WDR70: variants seen among roughly 807,000 people sequenced by gnomAD.
WDR70 encodes WD repeat domain 70, also known as WD repeat-containing protein 70.
A neutral mutation model predicts 88.6 loss-of-function variants in WDR70; 53 were observed. The ratio of observed to expected loss-of-function variants is 0.60; its 90% CI spans 0.48 to 0.75. The LOEUF is 0.75. Ranked by LOEUF, WDR70 falls within the 30% of genes least tolerant of loss-of-function variation. The pLI, the probability that WDR70 is intolerant of heterozygous loss-of-function variation, is 0.00. For missense variants in WDR70, 610 were observed against 823.2 expected, an observed-to-expected ratio of 0.74 and a Z score of 3.17; for synonymous variants, 280 against 270.0, an observed-to-expected ratio of 1.04 and a Z score of -0.36.
chr5:37,701,917 G>C (rs1747175983), intron 12 of WDR70, among the ~76,000 whole-genome samples: 1 of 151,508 alleles, frequency 6.6e-6, no homozygotes, highest in South Asian at 2.1e-4. Flanking sequence ...TCCTTCACTT[G>C]TTCAGACTGT....
At chr5:37,527,281 A>C (rs1222757270) in intron 9 of WDR70, among the ~76,000 whole-genome samples, 1 of 152,240 alleles carries the variant, frequency 6.6e-6, no homozygotes, top group Non-Finnish European at 1.5e-5. Context: ...GTACCAAAAC[A>C]GAGATATAGA....
chr5:37,702,421 A>G (rs1440039844), intron 12 of WDR70, among the ~76,000 whole-genome samples: 1 of 152,224 alleles, frequency 6.6e-6, no homozygotes, highest in Non-Finnish European at 1.5e-5. Context: ...ATAGCCATCA[A>G]TTAGGTTCCA....
In WDR70 at chr5:37,533,432, AAAC is replaced by A. The variant is rs140749969; in HGVS notation, c.917+16851_917+16853del. ...CATGGTGAATCCCTGTCTCTACTTA[AAAC>A]AACAACAAAACAACAAAACAATCAC... On this transcript the variant is annotated intron_variant, in intron 9 of 17. Transcript: ENST00000265107. Among the ~76,000 whole-genome samples the A allele has an allele frequency of 4.2e-3, 631 of 151,480 alleles. 21 individuals carry two copies. The East Asian group carries it at 0.088, about 21-fold the overall frequency.
intron 9 of WDR70, among the ~76,000 whole-genome samples, chr5:37,549,976 C>G (rs1465345139): frequency 1.3e-5 from 2 of 151,860 alleles, no homozygotes; most frequent in African/African-American, 4.8e-5. Flanking sequence ...ATTCTGGTGT[C>G]TCAACTTCCC....
rs1246165472 is a variant in WDR70, at chr5:37,653,882, A to G, written c.1093-43773A>G. Among the ~76,000 whole-genome samples, 15 of 152,124 alleles carry G rather than the reference A, an allele frequency of 9.9e-5. No individual in the cohort carries two copies. The East Asian group carries it at 1.7e-3, about 18-fold the overall frequency. ...TCTGTCTATTTTGTTAATGTTTTTA[A>G]AAAACCGGCTCCTGGATTCATTGAT... On this transcript the variant is annotated intron_variant, in intron 10 of 17. Coordinates refer to ENST00000265107, the MANE Select transcript of WDR70 (RefSeq NM_018034.4).
intron 7 of WDR70, among the ~76,000 whole-genome samples, chr5:37,452,059 C>T (rs1738692860): frequency 6.6e-6 from 1 of 151,968 alleles, no homozygotes; most frequent in South Asian, 2.1e-4. Flanking sequence ...TTTATTTTCC[C>T]CTCCAATTTC....
intron 9 of WDR70, among the ~76,000 whole-genome samples, chr5:37,532,823 G>A (rs1028410411): frequency 6.6e-6 from 1 of 152,082 alleles, no homozygotes; most frequent in Non-Finnish European, 1.5e-5. Flanking sequence ...TCTTTTGGGG[G>A]TGTTAAAGAC....
At chr5:37,675,809 A>C (rs890730588) in intron 10 of WDR70, among the ~76,000 whole-genome samples, 22 of 152,008 alleles carry the variant, frequency 1.4e-4, no homozygotes, top group Non-Finnish European at 1.9e-4. Flanking sequence ...CATTGAATCT[A>C]TAAATTACCT....
At chr5:37,515,187 G>C (rs1011918445) in intron 8 of WDR70, among the ~76,000 whole-genome samples, 3 of 152,188 alleles carry the variant, frequency 2.0e-5, no homozygotes, top group African/African-American at 7.2e-5. Flanking sequence ...ATGTATTTTG[G>C]ATAGAATTGT....
intron 17 of WDR70, among the ~76,000 whole-genome samples, chr5:37,729,345 T>C (rs1748075709): frequency 6.6e-6 from 1 of 151,728 alleles, no homozygotes; most frequent in Non-Finnish European, 1.5e-5. Flanking sequence ...AGGAAATACA[T>C]GTATGCATAC....
intron 9 of WDR70, among the ~76,000 whole-genome samples, chr5:37,564,335 C>G (rs1281190003): frequency 2.0e-5 from 3 of 152,228 alleles, no homozygotes; most frequent in Non-Finnish European, 2.9e-5. Flanking sequence ...ACCAGCCCGG[C>G]CAACACAGCG....
intron 8 of WDR70, among the ~76,000 whole-genome samples, chr5:37,500,716 CTTTTTTT>C (rs550821207): frequency 0.14 from 9,127 of 62,978 alleles, 321 homozygotes; most frequent in South Asian, 0.28. Context: ...TATTTGTTGG[CTTTTTTT>C]TTTTTTTTTT....
chr5:37,471,987 A>G (rs1739339960), intron 7 of WDR70, among the ~76,000 whole-genome samples: 1 of 151,700 alleles, frequency 6.6e-6, no homozygotes, highest in African/African-American at 2.4e-5. Context: ...TGTCAGAGGG[A>G]AGGTTTTTAA....
chr5:37,459,297 T>G (rs1258166098), intron 7 of WDR70, among the ~76,000 whole-genome samples: 1 of 124,778 alleles, frequency 8.0e-6, no homozygotes, highest in Non-Finnish European at 1.8e-5. Flanking sequence ...AAAAAATGTA[T>G]ATTCTTTTGA....
chr5:37,731,692 AT>A (rs1229667655), intron 17 of WDR70, among the ~76,000 whole-genome samples: 3 of 152,172 alleles, frequency 2.0e-5, no homozygotes, highest in Non-Finnish European at 2.9e-5. Context: ...GGTGCATGTT[AT>A]TTTAATGGCT....
intron 9 of WDR70, among the ~76,000 whole-genome samples, chr5:37,542,466 A>G (rs759635903): frequency 7.9e-5 from 12 of 151,910 alleles, no homozygotes; most frequent in Non-Finnish European, 1.3e-4. Context: ...TTTTTAGTAG[A>G]GACGGGGTTT....
chr5:37,698,669 A>G (rs181564404), intron 11 of WDR70, among the ~76,000 whole-genome samples: 1 of 152,282 alleles, frequency 6.6e-6, no homozygotes, highest in Admixed American at 6.5e-5. Context: ...TCATAGACAG[A>G]ATCCTTTTCC....
At chr5:37,497,470 T>TCCC (rs1243706996) in intron 8 of WDR70, among the ~76,000 whole-genome samples, 3 of 135,434 alleles carry the variant, frequency 2.2e-5, no homozygotes, top group African/African-American at 2.8e-5. Context: ...CGTCTTCCCT[T>TCCC]TCCTTCCCTC....
intron 10 of WDR70, among the ~76,000 whole-genome samples, chr5:37,629,723 C>T (rs1022742309): frequency 6.6e-6 from 1 of 152,064 alleles, no homozygotes; most frequent in African/African-American, 2.4e-5. Flanking sequence ...TCTCTTGTAT[C>T]TCACTCAGTT....
Sources: allele counts gnomAD v4.1 joint callset (sites outside exome capture counted in the v4.1 genomes callset), GRCh38; gene constraint gnomAD v4.1.1; transcripts MANE v1.5; gene names NCBI Gene and HGNC (gene_info 2026-07-23, HGNC 2026-07-21).